The following PRKN variants were observed in gnomAD, a reference collection of about 807,000 sequenced individuals.
The protein encoded by PRKN is E3 ubiquitin-protein ligase parkin.
Under a neutral mutation model 59.5 loss-of-function variants are expected in PRKN, and 56 were observed. The ratio of observed to expected loss-of-function variants is 0.94; its 90% CI spans 0.76 to 1.18. The LOEUF (loss-of-function observed/expected upper bound fraction) is 1.18. PRKN is among the 50% of genes most tolerant of loss of function. The probability of loss-of-function intolerance (pLI) is 0.00; values close to 1 mark genes in which losing one functional copy is unlikely to be tolerated. For synonymous variants in PRKN, 250 were observed against 222.1 expected (o/e 1.13, Z -1.12); for missense variants, 657 against 596.4 (o/e 1.10, Z -1.06).
At chr6:162,533,656 TTGTC>T (rs1778600554) in intron 1 of PRKN, among the ~76,000 whole-genome samples, 1 of 152,188 alleles carries the variant, frequency 6.6e-6, no homozygotes, top group East Asian at 1.9e-4. Context: ...CCAAAATACT[TTGTC>T]TGAGCATGTA....
intron 6 of PRKN, among the ~76,000 whole-genome samples, chr6:161,852,562 C>A (rs915123692): frequency 1.2e-4 from 18 of 152,136 alleles, no homozygotes; most frequent in Admixed American, 1.1e-3. Flanking sequence ...AAGGTAGAAG[C>A]TCAACACTCA....
intron 1 of PRKN, among the ~76,000 whole-genome samples, chr6:162,561,924 G>C (rs1322637013): frequency 6.6e-6 from 1 of 152,154 alleles, no homozygotes; most frequent in African/African-American, 2.4e-5. Flanking sequence ...AGTGAACTGG[G>C]GGTGGGAGGG....
chr6:161,953,193 C>A lies in PRKN; in HGVS notation c.734+20109G>T, dbSNP rs1780050286. ...GTGGTGTGATCTCAGCTCACTGCAA[C>A]CTCCACCTCCCGGGTTCAAGTGATT... On this transcript the variant is annotated intron_variant, in intron 6 of 11. Coordinates refer to ENST00000366898, the MANE Select transcript of PRKN (RefSeq NM_004562.3). Among the ~76,000 whole-genome samples the A allele has an allele frequency of 2.6e-5, 4 of 152,170 alleles. No homozygotes were observed. In the South Asian group the frequency reaches 8.3e-4, roughly 31 times the overall value.
intron 1 of PRKN, among the ~76,000 whole-genome samples, chr6:162,492,956 CAAAAAAAAAA>C (rs34716532): frequency 1.8e-5 from 2 of 110,324 alleles, no homozygotes; most frequent in Middle Eastern, 4.9e-3. Context: ...TTGTCTCAAA[CAAAAAAAAAA>C]AAAAAAAAAA....
At chr6:161,739,916 A>G (rs529932873) in intron 7 of PRKN, among the ~76,000 whole-genome samples, 95 of 152,094 alleles carry the variant, frequency 6.2e-4, no homozygotes, top group Non-Finnish European at 2.1e-4. Context: ...CACCACGCCC[A>G]GCTAGTTTTT....
chr6:162,320,756 T>C (rs773928250), intron 2 of PRKN, among the ~76,000 whole-genome samples: 1 of 151,646 alleles, frequency 6.6e-6, no homozygotes, highest in Non-Finnish European at 1.5e-5. Context: ...AAGTTTATTA[T>C]GAAATATTGA....
At chr6:162,387,229 A>AC (rs1160871358) in intron 2 of PRKN, among the ~76,000 whole-genome samples, 1 of 126,226 alleles carries the variant, frequency 7.9e-6, no homozygotes, top group Non-Finnish European at 1.6e-5. Context: ...CTAAGAAAAA[A>AC]TAAGCAAAAA....
At chr6:161,786,608 T>C (rs1790430411) in intron 6 of PRKN, among the ~76,000 whole-genome samples, 1 of 152,118 alleles carries the variant, frequency 6.6e-6, no homozygotes, top group Non-Finnish European at 1.5e-5. Context: ...ATAAAATTCC[T>C]TGGTAATTTA....
intron 6 of PRKN, among the ~76,000 whole-genome samples, chr6:161,829,490 G>A (rs4280941): frequency 0.87 from 132,290 of 152,082 alleles, 58,027 homozygotes; most frequent in Middle Eastern, 0.93. Flanking sequence ...CCTGCGGTCT[G>A]AGGATCAGAC....
chr6:161,923,066 G>A (rs1778842176), intron 6 of PRKN, among the ~76,000 whole-genome samples: 1 of 152,212 alleles, frequency 6.6e-6, no homozygotes, highest in South Asian at 2.1e-4. Context: ...ATCCTCCCAT[G>A]TGGCCTCCCT....
At chr6:161,825,352 T>C (rs1318310719) in intron 6 of PRKN, among the ~76,000 whole-genome samples, 1 of 135,220 alleles carries the variant, frequency 7.4e-6, no homozygotes, top group Non-Finnish European at 1.7e-5. Context: ...TTCTGTTTCT[T>C]AAAGAAGGTC....
intron 4 of PRKN, among the ~76,000 whole-genome samples, chr6:162,121,578 T>C (rs904424587): frequency 2.6e-5 from 4 of 152,220 alleles, no homozygotes; most frequent in African/African-American, 9.6e-5. Context: ...TGCAAGCTGC[T>C]TTGCCTTATG....
At chr6:161,992,101 G>T (rs1010703931) in intron 5 of PRKN, among the ~76,000 whole-genome samples, 1 of 152,168 alleles carries the variant, frequency 6.6e-6, no homozygotes, top group East Asian at 1.9e-4. Context: ...GCACTTGGGA[G>T]GCCAAGGAGG....
rs73783349 is a variant in PRKN at position 161,711,134 on chromosome 6, T to C, written c.871+74638A>G. ...AGGCACAAGGAGAGGGGTCATATCA[T>C]CTGATCATTTTCATTATGTATCATT... On this transcript the variant is annotated intron_variant, in intron 7 of 11. Coordinates refer to ENST00000366898, the MANE Select transcript of PRKN (RefSeq NM_004562.3). Among the ~76,000 whole-genome samples the C allele has an allele frequency of 4.5e-3, 688 of 152,282 alleles. 13 individuals carry two copies. Among genetic ancestry groups the C allele is most frequent in the African/African-American group, 0.016 (654 of 41,550 alleles).
intron 6 of PRKN, among the ~76,000 whole-genome samples, chr6:161,835,373 C>A (rs1451324590): frequency 6.6e-6 from 1 of 152,074 alleles, no homozygotes; most frequent in Non-Finnish European, 1.5e-5. Flanking sequence ...ACTCCACACC[C>A]CCTGGGAAAC....
At chr6:162,281,042 T>C (rs780041636) in intron 2 of PRKN, among the ~76,000 whole-genome samples, 1 of 152,066 alleles carries the variant, frequency 6.6e-6, no homozygotes, top group Non-Finnish European at 1.5e-5. Flanking sequence ...AAAAAAACAC[T>C]GCATCCATGC....
At chr6:161,452,375 C>G (rs1241991524) in intron 9 of PRKN, among the ~76,000 whole-genome samples, 1 of 152,180 alleles carries the variant, frequency 6.6e-6, no homozygotes, top group African/African-American at 2.4e-5. Flanking sequence ...CTCTGAAAGG[C>G]TTTGATACTG....
chr6:162,078,563 T>C (rs1283504261), intron 4 of PRKN, among the ~76,000 whole-genome samples: 1 of 152,078 alleles, frequency 6.6e-6, no homozygotes, highest in African/African-American at 2.4e-5. Context: ...AAAACAGTTA[T>C]ATTTTAATTA....
rs1264017548 is a variant in PRKN, at chr6:162,021,112, AC to A, written c.618+32978del. 4.5e-3 allele frequency among the ~76,000 whole-genome samples: 332 copies of A among 74,306 alleles called. 21 individuals carry two copies. The highest frequency in any genetic ancestry group is 8.1e-3 in the African/African-American group (149 of 18,504). The allele number at this position is 74,306 out of a possible 152,430, so 48.7% of individuals were successfully genotyped here. On this transcript the variant is annotated intron_variant, in intron 5 of 11. Coordinates refer to ENST00000366898, the MANE Select transcript of PRKN (RefSeq NM_004562.3). ...AACGAGACTCTGTCTCAAAAAAAAA[AC>A]AAAAACATATATATATATATATATA...
Sources: gnomAD v4.1 joint callset for allele counts (sites outside exome capture counted in the v4.1 genomes callset) on GRCh38, gnomAD v4.1.1 for gene constraint, MANE v1.5 for transcripts, NCBI Gene and HGNC (gene_info 2026-07-23, HGNC 2026-07-21) for gene names.